Variants in RAD51B observed in about 807,000 individuals in gnomAD.
RAD51B encodes DNA repair protein RAD51 homolog 2.
In RAD51B, 38 loss-of-function variants were observed where a neutral mutation model predicts 42.2. That is an observed-to-expected ratio of 0.90 (90% CI 0.70 to 1.18). The LOEUF (loss-of-function observed/expected upper bound fraction) is 1.18. Among genes scored for constraint, RAD51B ranks in the 50% most tolerant of loss-of-function variants. The probability of loss-of-function intolerance (pLI) is 0.00; values close to 1 mark genes in which losing one functional copy is unlikely to be tolerated. For missense variants in RAD51B, 373 were observed against 400.7 expected (o/e 0.93, Z 0.59); for synonymous variants, 154 against 145.2 (o/e 1.06, Z -0.43).
At chr14:68,198,607 T>G (rs2079422086) in intron 7 of RAD51B, among the ~76,000 whole-genome samples, 2 of 152,200 alleles carry the variant, frequency 1.3e-5, no homozygotes, top group East Asian at 3.8e-4. Flanking sequence ...CTCCTTTAAT[T>G]TCACTCAGAA....
chr14:68,651,348 T>C (rs752003451), intron 11 of RAD51B, among the ~76,000 whole-genome samples: 2 of 152,150 alleles, frequency 1.3e-5, no homozygotes, highest in Non-Finnish European at 2.9e-5. Context: ...ATTTTTGTAT[T>C]TTTATGTAAA....
intron 10 of RAD51B, among the ~76,000 whole-genome samples, chr14:68,572,147 T>C (rs1889738257): frequency 6.6e-6 from 1 of 152,214 alleles, no homozygotes; most frequent in Non-Finnish European, 1.5e-5. Flanking sequence ...GCAGGGATGT[T>C]TGTAATCTAC....
At chr14:68,425,376 C>T (rs141584538) in intron 9 of RAD51B, among the ~76,000 whole-genome samples, 125 of 152,258 alleles carry the variant, frequency 8.2e-4, no homozygotes, top group African/African-American at 2.9e-3. Context: ...AAAGGTAGGA[C>T]CTGTAAGAGG....
intron 10 of RAD51B, among the ~76,000 whole-genome samples, chr14:68,569,417 G>T (rs1213354559): frequency 6.6e-6 from 1 of 152,194 alleles, no homozygotes; most frequent in African/African-American, 2.4e-5. Flanking sequence ...CTCGTTTTGT[G>T]TTTCAGTAAT....
At chr14:68,445,960 T>A (rs1476115200) in intron 9 of RAD51B, among the ~76,000 whole-genome samples, 1 of 152,182 alleles carries the variant, frequency 6.6e-6, no homozygotes, top group Non-Finnish European at 1.5e-5. Flanking sequence ...ACCAATAGAC[T>A]CTAGAGGGGC....
chr14:68,490,428 G>A (rs1883972755), intron 10 of RAD51B, among the ~76,000 whole-genome samples: 1 of 152,136 alleles, frequency 6.6e-6, no homozygotes, highest in Non-Finnish European at 1.5e-5. Flanking sequence ...AAAATTGAAA[G>A]GTTTTAAAGG....
At chr14:68,201,110 A>G (rs2079476611) in intron 7 of RAD51B, among the ~76,000 whole-genome samples, 1 of 152,182 alleles carries the variant, frequency 6.6e-6, no homozygotes, top group Non-Finnish European at 1.5e-5. Context: ...GAATTTTTTA[A>G]AAAATACAAA....
intron 8 of RAD51B, among the ~76,000 whole-genome samples, chr14:68,407,146 A>G (rs2084298600): frequency 6.6e-6 from 1 of 152,232 alleles, no homozygotes; most frequent in African/African-American, 2.4e-5. Context: ...ACATAAAAGT[A>G]TAGTAAATAC....
Position 68,298,549 on chromosome 14 carries a change from A to G in RAD51B, c.853+6569A>G, listed in dbSNP as rs139057452. 2.0e-5 allele frequency among the ~76,000 whole-genome samples: 3 copies of G among 152,308 alleles called. No homozygotes were observed. In the East Asian group the frequency reaches 5.8e-4, roughly 29 times the overall value. On this transcript the variant is annotated intron_variant, in intron 8 of 10. Transcript: ENST00000471583. ...TTAAAAGTAGTTTCCCCTCACCCTC[A>G]AATCTTTTTACCGTCTAGAATTTAC...
At chr14:67,951,448 GC>G (rs1185285290) in intron 7 of RAD51B, among the ~76,000 whole-genome samples, 1 of 152,146 alleles carries the variant, frequency 6.6e-6, no homozygotes, top group African/African-American at 2.4e-5. Context: ...TAAGGCAACT[GC>G]CTTTAGACTT....
intron 4 of RAD51B, among the ~76,000 whole-genome samples, chr14:67,864,540 G>T (rs755633768): frequency 7.9e-5 from 12 of 152,154 alleles, no homozygotes; most frequent in Non-Finnish European, 1.2e-4. Context: ...GATTAAAGTA[G>T]CCCTTAATGG....
intron 7 of RAD51B, among the ~76,000 whole-genome samples, chr14:68,202,024 G>A (rs2079496061): frequency 6.6e-6 from 1 of 152,062 alleles, no homozygotes; most frequent in Non-Finnish European, 1.5e-5. Flanking sequence ...TTGTAATAAA[G>A]GTACTCACAC....
chr14:68,440,479 T>A (rs1357169116), intron 9 of RAD51B, among the ~76,000 whole-genome samples: 2 of 152,198 alleles, frequency 1.3e-5, no homozygotes, highest in African/African-American at 4.8e-5. Flanking sequence ...GCACAGTGGC[T>A]CACGCTTGTA....
At chr14:68,345,924 T>C (rs747140709) in intron 8 of RAD51B, among the ~76,000 whole-genome samples, 10 of 152,232 alleles carry the variant, frequency 6.6e-5, no homozygotes, top group Non-Finnish European at 1.5e-4. Context: ...CCTCCAAAAG[T>C]GCATGAGGCG....
intron 7 of RAD51B, among the ~76,000 whole-genome samples, chr14:67,940,139 T>C (rs975578003): frequency 3.0e-5 from 4 of 131,928 alleles, no homozygotes; most frequent in African/African-American, 1.1e-4. Flanking sequence ...AATGGCGTGA[T>C]CTCAGCTCAC....
chr14:68,400,665 G>T (rs570914819), intron 8 of RAD51B, among the ~76,000 whole-genome samples: 1 of 151,886 alleles, frequency 6.6e-6, no homozygotes, highest in Admixed American at 6.6e-5. Context: ...CACACTGTGG[G>T]GGAAAAAAAA....
intron 10 of RAD51B, among the ~76,000 whole-genome samples, chr14:68,486,892 C>T (rs146766807): frequency 2.0e-5 from 3 of 152,194 alleles, no homozygotes; most frequent in Non-Finnish European, 4.4e-5. Flanking sequence ...TCTCCTCATC[C>T]CTTTCCCACC....
chr14:68,318,104 A>T (rs35873400), intron 8 of RAD51B, among the ~76,000 whole-genome samples: 66 of 152,332 alleles, frequency 4.3e-4, no homozygotes, highest in African/African-American at 1.6e-3. Context: ...TCAGGTGGTC[A>T]CACCCACTGG....
intron 10 of RAD51B, among the ~76,000 whole-genome samples, chr14:68,636,644 T>C (rs974681400): frequency 1.3e-5 from 2 of 151,522 alleles, no homozygotes; most frequent in African/African-American, 4.9e-5. Context: ...GGACCAGGCA[T>C]TGGAAAAGAA....
Sources: gnomAD v4.1 joint callset for allele counts (sites outside exome capture counted in the v4.1 genomes callset) on GRCh38, gnomAD v4.1.1 for gene constraint, MANE v1.5 for transcripts, NCBI Gene and HGNC (gene_info 2026-07-23, HGNC 2026-07-21) for gene names.